CD109: variants seen among roughly 807,000 people sequenced by gnomAD.
CD109 encodes the protein CD109 antigen.
In CD109, 149 loss-of-function variants were observed where a neutral mutation model predicts 165.8. The observed-to-expected ratio is 0.90, with a 90% CI of 0.79 to 1.03. The LOEUF is 1.03. CD109 is among the 50% of genes least tolerant of loss of function. The probability of loss-of-function intolerance (pLI) is 0.00; values close to 1 mark genes in which losing one functional copy is unlikely to be tolerated. For synonymous variants in CD109, 585 were observed against 592.1 expected (o/e 0.99, Z 0.18); for missense variants, 1,712 against 1,677.8 (o/e 1.02, Z -0.36).
At chr6:73,779,039 C>T (rs984834010) in intron 15 of CD109, among the ~76,000 whole-genome samples, 10 of 152,110 alleles carry the variant, frequency 6.6e-5, no homozygotes, top group African/African-American at 2.4e-4. Context: ...TTTCATGGCT[C>T]CAGACAGAGA....
At chr6:73,766,731 T>G in intron 11 of CD109, 28 bp from the exon 12 acceptor site, 1 of 1,508,702 alleles carries the variant, frequency 6.6e-7, no homozygotes, top group Non-Finnish European at 9.1e-7. Flanking sequence ...AAGATGAACA[T>G]TTACAGCTCC....
At position 73,766,425 on chromosome 6, in the gene CD109, T is replaced by G. The variant is rs540766557; in HGVS notation, c.1332+271T>G. 6.6e-5 allele frequency among the ~76,000 whole-genome samples: 10 copies of G among 152,110 alleles called. No homozygotes were observed. In the South Asian group the frequency reaches 1.7e-3, roughly 25 times the overall value. On this transcript the variant is annotated intron_variant, in intron 11 of 32. Coordinates refer to ENST00000287097, the MANE Select transcript of CD109 (RefSeq NM_133493.5). The stretch of plus-strand genomic sequence containing the variant: ...ATTTCCTCAAATCCCCAGTCTAGTG[T>G]TTGAGGTCAGTCATTTGAAATTTTA...
intron 5 of CD109, among the ~76,000 whole-genome samples, chr6:73,747,620 T>C (rs1165524169): frequency 6.6e-6 from 1 of 152,170 alleles, no homozygotes. Flanking sequence ...TTTAAAACTA[T>C]CTACCTTTAA....
intron 23 of CD109, among the ~76,000 whole-genome samples, chr6:73,802,289 G>GTGTGTATA (rs71542231): frequency 4.9e-4 from 38 of 78,204 alleles, no homozygotes; most frequent in African/African-American, 1.7e-3. Flanking sequence ...GTGTGTGTGT[G>GTGTGTATA]TATATATATA....
In CD109 at chr6:73,815,077, G is replaced by A; in HGVS notation, c.3865G>A (p.Glu1289Lys). ...EAFDLDVAVK[E>K]NKDDLNHVDL... is the part of the protein sequence containing the mutation. ...CTTTGATTTAGATGTTGCTGTAAAA[G>A]AAAATAAAGATGATCTCAATCATGT... Residue 1289 changes from glutamate to lysine, a missense_variant, in exon 30 of 33, where the codon GAA becomes AAA. Physicochemically the swap from Glu to Lys is moderately conservative, Grantham distance 56. Coordinates refer to ENST00000287097, the MANE Select transcript of CD109 (RefSeq NM_133493.5). 1 of 1,590,376 alleles carries A rather than the reference G, an allele frequency of 6.3e-7. No individual in the cohort carries two copies. Among genetic ancestry groups the A allele is most frequent in the Non-Finnish European group, 8.5e-7 (1 of 1,172,184 alleles).
chr6:73,787,157 C>A, intron 20 of CD109, 77 bp from the exon 21 acceptor site: 1 of 892,050 alleles, frequency 1.1e-6, no homozygotes, highest in Non-Finnish European at 1.7e-6. Flanking sequence ...TTTGACAGTA[C>A]TTAAACTGGT....
intron 2 of CD109, among the ~76,000 whole-genome samples, chr6:73,709,774 A>G (rs1184645757): frequency 6.6e-6 from 1 of 152,206 alleles, no homozygotes; most frequent in Non-Finnish European, 1.5e-5. Context: ...CTGGGATGCA[A>G]GGCTGGTTCA....
At chr6:73,700,253 T>A (rs1472560795) in intron 2 of CD109, among the ~76,000 whole-genome samples, 10 of 28,152 alleles carry the variant, frequency 3.6e-4, no homozygotes, top group South Asian at 2.0e-3. Context: ...AGGTTTAAAA[T>A]TTTTTTTTTT....
rs543168656 is a variant in CD109, at chr6:73,734,266, C to A, written c.508-2117C>A. ...CCTCCAGATCCCCCAGGTACAAAGCCATCAATGAGGTCAGTTCAGACTTCA... is the reference window on the plus strand; with the variant it reads ...CCTCCAGATCCCCCAGGTACAAAGCAATCAATGAGGTCAGTTCAGACTTCA... On this transcript the variant is annotated intron_variant, in intron 4 of 32. Coordinates refer to ENST00000287097, the MANE Select transcript of CD109 (RefSeq NM_133493.5). 2.0e-5 allele frequency among the ~76,000 whole-genome samples: 3 copies of A among 152,266 alleles called. No homozygotes were observed. The East Asian group carries it at 5.8e-4, about 29-fold the overall frequency.
chr6:73,813,575 T>C (rs80296805), intron 29 of CD109, among the ~76,000 whole-genome samples: 3,610 of 152,206 alleles, frequency 0.024, 161 homozygotes, highest in African/African-American at 0.082. Flanking sequence ...AGTTGGTCAC[T>C]CAGAAATGGG....
chr6:73,722,746 A>G (rs1033772574), intron 2 of CD109, among the ~76,000 whole-genome samples: 19 of 152,334 alleles, frequency 1.2e-4, no homozygotes, highest in Middle Eastern at 3.4e-3. Context: ...GAGTTTAATT[A>G]GCAGTCCTAT....
chr6:73,679,628 G>GTT, the CD109 span, among the ~76,000 whole-genome samples: 203 of 149,616 alleles, frequency 1.4e-3, no homozygotes, highest in East Asian at 7.9e-3. Context: ...TTTCTTTTCT[G>GTT]TTTTTTTTTG....
At chr6:73,789,540 G>T (rs1334374487) in intron 22 of CD109, among the ~76,000 whole-genome samples, 4 of 151,588 alleles carry the variant, frequency 2.6e-5, no homozygotes, top group Non-Finnish European at 5.9e-5. Context: ...TGCAAGCTCT[G>T]CTTCCCAGGT....
rs77026014 is a variant in CD109 at position 73,736,305 on chromosome 6, G to A, written c.508-78G>A. The A allele has an allele frequency of 2.0e-4, 292 of 1,454,994 alleles. 1 individual carries two copies. In the East Asian group the frequency reaches 6.8e-3, roughly 34 times the overall value. 90.1% of individuals were successfully genotyped at this position (1,454,994 alleles called of 1,614,324 possible). On this transcript the variant is annotated intron_variant, in intron 4 of 32. Coordinates refer to ENST00000287097, the MANE Select transcript of CD109 (RefSeq NM_133493.5). The stretch of plus-strand genomic sequence containing the variant: ...CTGGACCTGGGTGGGAATGCTGCAA[G>A]GCATTATTCCTAACCTGATAGGATA...
chr6:73,742,721 G>A (rs1484880693), intron 5 of CD109, among the ~76,000 whole-genome samples: 1 of 152,220 alleles, frequency 6.6e-6, no homozygotes. Flanking sequence ...AGTGGCTTAG[G>A]CATTTGAGTT....
At chr6:73,697,644 G>T in intron 2 of CD109, 72 bp downstream of exon 2, 1 of 1,411,956 alleles carries the variant, frequency 7.1e-7, no homozygotes, top group Non-Finnish European at 9.7e-7. Context: ...TCATGTGTTA[G>T]GTAGTATAGC....
chr6:73,750,141 A>G (rs1773134226), intron 5 of CD109, among the ~76,000 whole-genome samples: 1 of 152,202 alleles, frequency 6.6e-6, no homozygotes, highest in African/African-American at 2.4e-5. Context: ...AATCATTAGG[A>G]TTAGTGACTG....
chr6:73,759,525 C>T (rs976861596), intron 7 of CD109, among the ~76,000 whole-genome samples: 8 of 152,132 alleles, frequency 5.3e-5, no homozygotes, highest in African/African-American at 1.9e-4. Context: ...GAGTGATTAA[C>T]TTATCCCAAA....
At chr6:73,818,613 GT>G (rs777282324) in intron 31 of CD109, 78 bp downstream of exon 31, 11 of 1,357,550 alleles carry the variant, frequency 8.1e-6, no homozygotes, top group Non-Finnish European at 1.0e-5. Flanking sequence ...CTTTAAGTAT[GT>G]TTTCTTTAAT....
Sources: allele counts gnomAD v4.1 joint callset (sites outside exome capture counted in the v4.1 genomes callset), GRCh38; gene constraint gnomAD v4.1.1; transcripts MANE v1.5; gene names NCBI Gene and HGNC (gene_info 2026-07-23, HGNC 2026-07-21).